Variants in ADGRV1 observed in about 807,000 individuals in gnomAD.
The protein encoded by ADGRV1 is G-protein coupled receptor 98.
A neutral mutation model predicts 596.2 loss-of-function variants in ADGRV1; 359 were observed. The observed-to-expected ratio is 0.60, with a 90% CI of 0.55 to 0.66. The LOEUF (loss-of-function observed/expected upper bound fraction) is 0.66, where lower values mean the gene tolerates loss of function less well. Ranked by LOEUF, ADGRV1 falls within the 30% of genes least tolerant of loss-of-function variation. The pLI is 0.00. For missense variants in ADGRV1, 7,274 were observed against 7,575.6 expected (o/e 0.96, Z 1.48); for synonymous variants, 2,681 against 2,679.2 (o/e 1.00, Z -0.02).
intron 84 of ADGRV1, among the ~76,000 whole-genome samples, chr5:90,970,713 A>G (rs968070944): frequency 7.9e-5 from 12 of 152,180 alleles, no homozygotes; most frequent in Non-Finnish European, 1.8e-4. Context: ...GTACGTCACC[A>G]TCATCAAAGA....
chr5:90,904,738 G>A (rs1444027870), intron 83 of ADGRV1, among the ~76,000 whole-genome samples: 1 of 151,696 alleles, frequency 6.6e-6, no homozygotes, highest in Non-Finnish European at 1.5e-5. Flanking sequence ...TTTTTAATTT[G>A]ATGTGATCCT....
chr5:90,653,784 G>A lies in ADGRV1; in HGVS notation c.4210G>A (p.Gly1404Ser), dbSNP rs1440458388. 1 of 1,613,368 alleles carries A rather than the reference G, an allele frequency of 6.2e-7. No homozygotes were observed. Among genetic ancestry groups the A allele is most frequent in the Non-Finnish European group, 8.5e-7 (1 of 1,179,684 alleles). Reference protein sequence around the residue: ...VTLSLHYKTLGSNATYIAKTT... With the variant: ...VTLSLHYKTLSSNATYIAKTT... The stretch of plus-strand genomic sequence containing the variant: ...ACTTTCCCTTCATTATAAAACCTTG[G>A]GTTCCAATGCTACATACATTGCCAA... Residue 1404 changes from glycine to serine, a missense_variant, in exon 20 of 90, where the codon GGT (glycine) becomes AGT (serine). Physicochemically the swap from Gly to Ser is moderately conservative, Grantham distance 56. Coordinates refer to ENST00000405460, the MANE Select transcript of ADGRV1 (RefSeq NM_032119.4).
chr5:91,092,227 A>G (rs1405840931), intron 86 of ADGRV1, among the ~76,000 whole-genome samples: 1 of 152,046 alleles, frequency 6.6e-6, no homozygotes, highest in Non-Finnish European at 1.5e-5. Flanking sequence ...AGCCTCCCGA[A>G]TAGCTGGGAT....
chr5:90,663,044 C>T (rs970150997), intron 21 of ADGRV1, among the ~76,000 whole-genome samples: 4 of 149,020 alleles, frequency 2.7e-5, no homozygotes, highest in African/African-American at 1.0e-4. Context: ...CAAGTCTTTG[C>T]TATTGTGAAT....
intron 83 of ADGRV1, among the ~76,000 whole-genome samples, chr5:90,888,468 CAA>C (rs1204273816): frequency 6.6e-6 from 1 of 151,960 alleles, no homozygotes; most frequent in East Asian, 1.9e-4. Context: ...TTCTGGCTGG[CAA>C]AAGTGCTTAA....
At chr5:91,051,152 A>G (rs1786286073) in intron 85 of ADGRV1, among the ~76,000 whole-genome samples, 1 of 152,224 alleles carries the variant, frequency 6.6e-6, no homozygotes. Flanking sequence ...TGGCACCCAG[A>G]CTTTTAAATG....
intron 43 of ADGRV1, among the ~76,000 whole-genome samples, chr5:90,719,128 G>T (rs1452405846): frequency 6.6e-6 from 1 of 151,996 alleles, no homozygotes; most frequent in Non-Finnish European, 1.5e-5. Flanking sequence ...TCAGGAGTTC[G>T]AGACCAGCCT....
intron 85 of ADGRV1, among the ~76,000 whole-genome samples, chr5:91,061,552 C>T (rs1787431759): frequency 6.6e-6 from 1 of 152,190 alleles, no homozygotes; most frequent in Non-Finnish European, 1.5e-5. Flanking sequence ...GCCAGTATAT[C>T]TGACTACTTC....
Position 90,653,096 on chromosome 5 carries a change from T to A in ADGRV1, c.3635-113T>A, listed in dbSNP as rs1270722549. 5.1e-6 allele frequency: 5 copies of A among 978,018 alleles called. No individual in the cohort carries two copies. The East Asian group carries it at 1.3e-4, about 26-fold the overall frequency. The allele number at this position is 978,018 out of a possible 1,614,324, so 60.6% of individuals were successfully genotyped here. On this transcript the variant is annotated intron_variant, in intron 19 of 89. Transcript: ENST00000405460. ...TGGTGACACTACTTTTCATTGATAA[T>A]GAGTAAATTATTTAACCAGAAGTTT... is the stretch of plus-strand genomic sequence containing the variant.
chr5:90,595,192 G>GCA, intron 1 of ADGRV1, among the ~76,000 whole-genome samples: 2 of 74,932 alleles, frequency 2.7e-5, no homozygotes, highest in South Asian at 5.5e-4. Flanking sequence ...CCCGGACTGG[G>GCA]CGGCTGGCCG....
chr5:90,819,222 T>A lies in ADGRV1; in HGVS notation c.16196+3486T>A, dbSNP rs1763226932. ...TTGCGTAGAGGTGTTTGTAGTATTC[T>A]CTGATGGTAGTTTGTATTTCTGTGG... On this transcript the variant is annotated intron_variant, in intron 75 of 89. Coordinates refer to ENST00000405460, the MANE Select transcript of ADGRV1 (RefSeq NM_032119.4). 1.3e-5 allele frequency among the ~76,000 whole-genome samples: 2 copies of A among 152,104 alleles called. 1 individual carries two copies. Among genetic ancestry groups the A allele is most frequent in the African/African-American group, 4.8e-5 (2 of 41,324 alleles).
At chr5:90,828,519 G>A (rs1188132081) in intron 76 of ADGRV1, among the ~76,000 whole-genome samples, 1 of 151,868 alleles carries the variant, frequency 6.6e-6, no homozygotes, top group African/African-American at 2.4e-5. Flanking sequence ...TACTTTTATG[G>A]TATCATTCTA....
intron 85 of ADGRV1, among the ~76,000 whole-genome samples, chr5:91,066,105 G>A (rs768520676): frequency 5.9e-5 from 9 of 152,216 alleles, no homozygotes; most frequent in South Asian, 2.1e-4. Context: ...CCACATGGCC[G>A]TTGTCTCATT....
rs555140442 is a variant in ADGRV1, at chr5:90,968,712, T to C, written c.17973+3181T>C. 2.6e-5 allele frequency among the ~76,000 whole-genome samples: 4 copies of C among 152,322 alleles called. No homozygotes were observed. In the South Asian group the frequency reaches 8.3e-4, roughly 32 times the overall value. On this transcript the variant is annotated intron_variant, in intron 84 of 89. Transcript: ENST00000405460. ...ATAAAACAGTGACTGCTGAAATCTT[T>C]TTTTTTCTAAAATCCGTTTTAAAAA...
intron 1 of ADGRV1, among the ~76,000 whole-genome samples, chr5:90,611,439 T>C (rs1181940622): frequency 2.0e-5 from 3 of 151,924 alleles, no homozygotes; most frequent in African/African-American, 4.8e-5. Context: ...AGGGATATAG[T>C]GGAAGAAAGA....
chr5:90,990,703 A>G (rs1031021084), intron 85 of ADGRV1, among the ~76,000 whole-genome samples: 6 of 152,214 alleles, frequency 3.9e-5, no homozygotes, highest in Non-Finnish European at 7.3e-5. Context: ...AATGCTTCCA[A>G]CTTCTTTTCT....
intron 1 of ADGRV1, among the ~76,000 whole-genome samples, chr5:90,593,279 GGAT>G (rs1759769361): frequency 6.6e-6 from 1 of 152,154 alleles, no homozygotes; most frequent in Non-Finnish European, 1.5e-5. Context: ...CCATAAAAAA[GGAT>G]GAGTTCATGT....
intron 83 of ADGRV1, among the ~76,000 whole-genome samples, chr5:90,864,627 G>A (rs1376497019): frequency 1.3e-5 from 2 of 152,104 alleles, no homozygotes; most frequent in East Asian, 3.9e-4. Context: ...ACTCAAATGA[G>A]TGAAAATTCA....
chr5:90,816,529 T>G (rs1762910306), intron 75 of ADGRV1, among the ~76,000 whole-genome samples: 1 of 151,694 alleles, frequency 6.6e-6, no homozygotes, highest in African/African-American at 2.4e-5. Flanking sequence ...TCATTTAGCA[T>G]TAGGTATATC....
Sources: allele counts gnomAD v4.1 joint callset (sites outside exome capture counted in the v4.1 genomes callset), GRCh38; gene constraint gnomAD v4.1.1; transcripts MANE v1.5; gene names NCBI Gene and HGNC (gene_info 2026-07-23, HGNC 2026-07-21).